The following TNFSF18 variants were observed in gnomAD, a reference collection of about 807,000 sequenced individuals.
TNFSF18 encodes the protein tumor necrosis factor ligand superfamily member 18.
In TNFSF18, 6 loss-of-function variants were observed where a neutral mutation model predicts 9.6. The ratio of observed to expected loss-of-function variants is 0.63; its 90% confidence interval spans 0.34 to 1.24. TNFSF18 has a LOEUF of 1.24. Ranked by LOEUF, TNFSF18 falls within the 50% of genes most tolerant of loss-of-function variation. The pLI is 0.03. For missense variants in TNFSF18, 210 were observed against 201.0 expected (o/e 1.04, Z -0.27); for synonymous variants, 68 against 71.7 (o/e 0.95, Z 0.26).
chr1:173,047,710 A>G (rs1665106302), intron 1 of TNFSF18, among the ~76,000 whole-genome samples: 2 of 152,128 alleles, frequency 1.3e-5, no homozygotes, highest in East Asian at 1.9e-4. Context: ...GCTATAGACA[A>G]CCTAAGTCCA....
chr1:173,049,737 G>A (rs1458431776), intron 1 of TNFSF18, among the ~76,000 whole-genome samples: 1 of 152,086 alleles, frequency 6.6e-6, no homozygotes, highest in African/African-American at 2.4e-5. Context: ...TTTCTCAGAT[G>A]GACATATGCC....
At chr1:173,046,894 TG>T in intron 1 of TNFSF18, among the ~76,000 whole-genome samples, 1 of 135,346 alleles carries the variant, frequency 7.4e-6, no homozygotes, top group African/African-American at 2.6e-5. Context: ...TTGTTGTTGT[TG>T]TTGTTGTTGT....
At chr1:173,049,044 T>C (rs1236343586) in intron 1 of TNFSF18, among the ~76,000 whole-genome samples, 1 of 152,224 alleles carries the variant, frequency 6.6e-6, no homozygotes, top group Non-Finnish European at 1.5e-5. Flanking sequence ...AAACAAACTC[T>C]GGGTTATCTT....
At position 173,041,541 on chromosome 1, in the gene TNFSF18, G is replaced by T. The variant is rs1664991608; in HGVS notation, c.360C>A (p.Asn120Lys). The T allele has an allele frequency of 6.2e-7, 1 of 1,613,410 alleles. No individual in the cohort carries two copies. Among genetic ancestry groups the T allele is most frequent in the South Asian group, 1.1e-5 (1 of 91,062 alleles). Residue 120 changes from asparagine (N) to lysine (K), a missense_variant, in exon 3 of 3, where the codon AAC (asparagine) becomes AAA (lysine). Coordinates refer to ENST00000404377, the MANE Select transcript of TNFSF18 (RefSeq NM_005092.4). ...TTGTTAGAGTTTGTATCATGTCTTT[G>T]TTTTTATACAGCCGCACCTCAAAAG... is the stretch of plus-strand genomic sequence containing the variant. The part of the protein sequence containing the change: ...VAPFEVRLYK[N>K]KDMIQTLTNK...
chr1:173,042,751 G>A (rs143824094), intron 2 of TNFSF18, among the ~76,000 whole-genome samples: 87 of 152,090 alleles, frequency 5.7e-4, no homozygotes, highest in African/African-American at 2.0e-3. Context: ...ATGCTTATCT[G>A]TTCTGCAATT....
intron 1 of TNFSF18, among the ~76,000 whole-genome samples, chr1:173,049,518 G>A (rs1427224610): frequency 6.6e-6 from 1 of 152,118 alleles, no homozygotes; most frequent in Admixed American, 6.5e-5. Flanking sequence ...CATAAGCCTT[G>A]TATACAGTTA....
At chr1:173,045,676 A>G (rs1476647823) in intron 1 of TNFSF18, among the ~76,000 whole-genome samples, 1 of 152,054 alleles carries the variant, frequency 6.6e-6, no homozygotes, top group African/African-American at 2.4e-5. Context: ...TTTTAATGTG[A>G]GAGAAATGAC....
At chr1:173,050,430 C>G (rs1169332615) in intron 1 of TNFSF18, among the ~76,000 whole-genome samples, 1 of 151,870 alleles carries the variant, frequency 6.6e-6, no homozygotes, top group African/African-American at 2.4e-5. Flanking sequence ...CTTTTTTATT[C>G]CACCAAGAGC....
At position 173,041,411 on chromosome 1, in the gene TNFSF18, A is replaced by G; in HGVS notation, c.490T>C (p.Tyr164His). The G allele has an allele frequency of 6.2e-7, 1 of 1,613,064 alleles. No individual in the cohort carries two copies. Among genetic ancestry groups the G allele is most frequent in the Non-Finnish European group, 8.5e-7 (1 of 1,179,418 alleles). The change falls in exon 3 of 3, where the codon TAC becomes CAC. Residue 164 changes from tyrosine to histidine, a missense_variant. Tyr to His is a moderately conservative substitution (Grantham distance 83). Transcript: ENST00000404377. ...SEHQVLKNNTYWGIILLANPQ... is the reference protein window; with the variant it reads ...SEHQVLKNNTHWGIILLANPQ... ...TTTGCTAGTAAAATGATACCCCAGT[A>G]TGTATTATTTTTTAGAACCTGATGC...
intron 1 of TNFSF18, among the ~76,000 whole-genome samples, chr1:173,046,328 A>G (rs1268118149): frequency 2.0e-5 from 3 of 152,110 alleles, no homozygotes; most frequent in Non-Finnish European, 4.4e-5. Context: ...TTGTGGAAGG[A>G]AGGAAAGAGA....
At position 173,043,968 on chromosome 1, in the gene TNFSF18, G is replaced by A; in HGVS notation, c.158C>T (p.Thr53Ile). Residue 53 changes from threonine (T) to isoleucine (I), a missense_variant and splice_region_variant, in exon 2 of 3, where the codon ACT (threonine) becomes ATT (isoleucine). Physicochemically the swap from Thr to Ile is moderately conservative, Grantham distance 89. Transcript: ENST00000404377. ...CTTAGCCATACAGGGCTCCTTAGCA[G>A]TCTGTTGGGGAAATAAAAGATGAAT... ...WLIFIFLQLE[T>I]AKEPCMAKFG... The A allele has an allele frequency of 4.3e-6, 7 of 1,612,238 alleles. No homozygotes were observed. The highest frequency in any genetic ancestry group is 5.9e-6 in the Non-Finnish European group (7 of 1,178,440).
intron 2 of TNFSF18, among the ~76,000 whole-genome samples, chr1:173,041,918 T>G (rs1023769367): frequency 1.3e-5 from 2 of 152,172 alleles, no homozygotes; most frequent in Non-Finnish European, 2.9e-5. Flanking sequence ...GAGTATTTCT[T>G]GCTTGGAGCA....
chr1:173,043,793 G>A, intron 2 of TNFSF18, 146 bp downstream of exon 2: 1 of 760,220 alleles, frequency 1.3e-6, no homozygotes, highest in South Asian at 1.8e-5. Context: ...CAGCTCTTGG[G>A]CAACTGCCCA....
At chr1:173,049,803 C>G (rs149859876) in intron 1 of TNFSF18, among the ~76,000 whole-genome samples, 1 of 152,236 alleles carries the variant, frequency 6.6e-6, no homozygotes, top group African/African-American at 2.4e-5. Flanking sequence ...TAGGCTAAAT[C>G]CTGAAATAAA....
chr1:173,046,729 ATAT>A (rs992516680), intron 1 of TNFSF18, among the ~76,000 whole-genome samples: 16 of 152,150 alleles, frequency 1.1e-4, no homozygotes, highest in Non-Finnish European at 2.2e-4. Context: ...TTTAGTGTAC[ATAT>A]TATTAGTACT....
At chr1:173,046,769 A>G (rs892925415) in intron 1 of TNFSF18, among the ~76,000 whole-genome samples, 2 of 152,160 alleles carry the variant, frequency 1.3e-5, no homozygotes, top group African/African-American at 4.8e-5. Flanking sequence ...ATTAGCATAC[A>G]AATGTTGGGA....
chr1:173,046,535 AAAAAT>A (rs1433011588), intron 1 of TNFSF18, among the ~76,000 whole-genome samples: 1 of 152,226 alleles, frequency 6.6e-6, no homozygotes, highest in African/African-American at 2.4e-5. Context: ...GCTCAGATTA[AAAAAT>A]AAAATAAATG....
At position 173,039,352 on chromosome 1, in the gene TNFSF18, T is replaced by C. The variant is rs1032716450; in HGVS notation, c.*2015A>G. Among the ~76,000 whole-genome samples the C allele has an allele frequency of 6.6e-6, 1 of 152,164 alleles. No homozygotes were observed. The highest frequency in any genetic ancestry group is 1.5e-5 in the Non-Finnish European group (1 of 68,032). On this transcript the variant is annotated 3_prime_UTR_variant, in exon 3 of 3. Coordinates refer to ENST00000404377, the MANE Select transcript of TNFSF18 (RefSeq NM_005092.4). ...TGGTAGTCATCCCTCTAGCTGCAGC[T>C]GTAGTAACCTCTGCTTGCCCTGAGA...
At chr1:173,044,837 G>C (rs1665053449) in intron 1 of TNFSF18, among the ~76,000 whole-genome samples, 1 of 152,146 alleles carries the variant, frequency 6.6e-6, no homozygotes, top group Admixed American at 6.6e-5. Context: ...ATCTAGGCAA[G>C]AGAGCATGGT....
Sources: allele counts gnomAD v4.1 joint callset (sites outside exome capture counted in the v4.1 genomes callset), GRCh38; gene constraint gnomAD v4.1.1; transcripts MANE v1.5; gene names NCBI Gene and HGNC (gene_info 2026-07-23, HGNC 2026-07-21).